The following XXYLT1 variants were observed in gnomAD, a reference collection of about 807,000 sequenced individuals.
XXYLT1 encodes UDP-xylose:alpha-xyloside alpha-1,3-xylosyltransferase.
In XXYLT1, 20 loss-of-function variants were observed where a neutral mutation model predicts 28.9. The ratio of observed to expected loss-of-function variants is 0.69; its 90% CI spans 0.49 to 1.00. The LOEUF is 1.00. XXYLT1 is among the 50% of genes least tolerant of loss of function. The pLI is 0.00. For synonymous variants in XXYLT1, 257 were observed against 253.8 expected (o/e 1.01, Z -0.12); for missense variants, 542 against 560.1 (o/e 0.97, Z 0.33).
intron 3 of XXYLT1, among the ~76,000 whole-genome samples, chr3:195,099,446 A>G (rs1716642371): frequency 6.6e-6 from 1 of 152,188 alleles, no homozygotes; most frequent in Admixed American, 6.5e-5. Context: ...AAGTCAGCTG[A>G]AAGTAAAATC....
Position 195,173,867 on chromosome 3 carries a change from G to A in XXYLT1, c.653-17286C>T, listed in dbSNP as rs562350345. On this transcript the variant is annotated intron_variant, in intron 2 of 3. Coordinates refer to ENST00000310380, the MANE Select transcript of XXYLT1 (RefSeq NM_152531.5). The surrounding 1 kb of genome is among the most constrained non-coding windows in gnomAD (Gnocchi z 4.3). ...TGACCTCATTTCCCTGACAGGAATT[G>A]TGGAGATGTCATTGCTGGGGTCTTC... 6.6e-6 allele frequency among the ~76,000 whole-genome samples: 1 copy of A among 152,344 alleles called. No individual in the cohort carries two copies. Among genetic ancestry groups the A allele is most frequent in the East Asian group, 1.9e-4 (1 of 5,184 alleles).
intron 1 of XXYLT1, among the ~76,000 whole-genome samples, chr3:195,232,121 T>C (rs1439411644): frequency 6.6e-6 from 1 of 152,168 alleles, no homozygotes; most frequent in East Asian, 1.9e-4. Context: ...GTAGGTTGTA[T>C]GTGTCTAGAA....
rs1577214198 is a variant in XXYLT1, at chr3:195,268,571, C to T, written c.504+1984G>A. ...TGAGATCGTGCCACTGCACTCCAGC[C>T]TAGGCAACAAGAGCGAAACTCCATC... On this transcript the variant is annotated intron_variant, in intron 1 of 3. Coordinates refer to ENST00000310380, the MANE Select transcript of XXYLT1 (RefSeq NM_152531.5). 2.6e-5 allele frequency among the ~76,000 whole-genome samples: 4 copies of T among 150,972 alleles called. 1 individual carries two copies. In the South Asian group the frequency reaches 6.3e-4, roughly 24 times the overall value.
rs79871555 is a variant in XXYLT1 at position 195,150,148 on chromosome 3, A to G, written c.785+6301T>C. 1.3e-5 allele frequency among the ~76,000 whole-genome samples: 2 copies of G among 148,374 alleles called. No homozygotes were observed. Among genetic ancestry groups the G allele is most frequent in the Non-Finnish European group, 1.5e-5 (1 of 67,450 alleles). On this transcript the variant is annotated intron_variant, in intron 3 of 3. Transcript: ENST00000310380. The surrounding 1 kb of genome is among the most constrained non-coding windows in gnomAD (Gnocchi z 4.7). ...AGCTGGGACTGTGGATAACGCTGCC[A>G]CCACCACCCAGGAGTGCTGCTCGTG... is the stretch of plus-strand genomic sequence containing the variant.
intron 1 of XXYLT1, among the ~76,000 whole-genome samples, chr3:195,243,590 G>C (rs1724876407): frequency 6.6e-6 from 1 of 152,188 alleles, no homozygotes; most frequent in Non-Finnish European, 1.5e-5. Flanking sequence ...GACGGGTAGA[G>C]CCACAGGTCT....
chr3:195,255,722 C>T lies in XXYLT1; in HGVS notation c.504+14833G>A, dbSNP rs1200160066. On this transcript the variant is annotated intron_variant, in intron 1 of 3. Coordinates refer to ENST00000310380, the MANE Select transcript of XXYLT1 (RefSeq NM_152531.5). This position sits in a 1 kb window ranked among gnomAD's most constrained non-coding sequence, Gnocchi z 4.5. ...AGGGCACAGGAGAGCTGCTCCCAGTCTCCCTTGTCCACTGAGCAGCTGTGT... is the reference window on the plus strand; with the variant it reads ...AGGGCACAGGAGAGCTGCTCCCAGTTTCCCTTGTCCACTGAGCAGCTGTGT... Among the ~76,000 whole-genome samples, 1 of 152,104 alleles carries T rather than the reference C, an allele frequency of 6.6e-6. No homozygotes were observed. The highest frequency in any genetic ancestry group is 2.4e-5 in the African/African-American group (1 of 41,428).
rs373384322 is a variant in XXYLT1, at chr3:195,116,805, T to C, written c.785+39644A>G. On this transcript the variant is annotated intron_variant, in intron 3 of 3. Transcript: ENST00000310380. The stretch of plus-strand genomic sequence containing the variant: ...GCTTGCCTGCCTGACCCAGAAAGCC[T>C]TGTTCTCCTTTCTGGAACCTCGGGA... Among the ~76,000 whole-genome samples, 6 of 152,318 alleles carry C rather than the reference T, an allele frequency of 3.9e-5. No individual in the cohort carries two copies. The East Asian group carries it at 1.2e-3, about 29-fold the overall frequency.
chr3:195,190,876 C>CA (rs923986956), intron 2 of XXYLT1, among the ~76,000 whole-genome samples: 53 of 151,426 alleles, frequency 3.5e-4, no homozygotes, highest in Admixed American at 2.2e-3. Context: ...TAGGGAATCA[C>CA]AAAAAATGAC....
At chr3:195,134,838 T>C (rs1322454672) in intron 3 of XXYLT1, among the ~76,000 whole-genome samples, 1 of 123,918 alleles carries the variant, frequency 8.1e-6, no homozygotes, top group African/African-American at 3.3e-5. Context: ...TGTGTGTGTG[T>C]GTGTGTGTGT....
chr3:195,265,448 G>A (rs926013318), intron 1 of XXYLT1, among the ~76,000 whole-genome samples: 10 of 152,052 alleles, frequency 6.6e-5, no homozygotes, highest in Admixed American at 3.3e-4. Context: ...CAAGAGATTC[G>A]GGGAAGGTCT....
At chr3:195,103,943 G>T (rs1461884059) in intron 3 of XXYLT1, among the ~76,000 whole-genome samples, 1 of 152,258 alleles carries the variant, frequency 6.6e-6, no homozygotes, top group Admixed American at 6.5e-5. Context: ...CCAACGAGGG[G>T]AGAAAGGTTT....
chr3:195,227,141 T>A (rs1484370212), intron 1 of XXYLT1, among the ~76,000 whole-genome samples: 3 of 152,096 alleles, frequency 2.0e-5, no homozygotes, highest in East Asian at 3.9e-4. Context: ...GGACAGGAAA[T>A]GGAAACAGCC....
In XXYLT1 at chr3:195,226,700, C is replaced by T; in HGVS notation, c.652+9G>A. The T allele has an allele frequency of 6.2e-7, 1 of 1,610,074 alleles. No individual in the cohort carries two copies. On this transcript the variant is annotated intron_variant, in intron 2 of 3. Coordinates refer to ENST00000310380, the MANE Select transcript of XXYLT1 (RefSeq NM_152531.5). ...CCCAGGGGCTATTGCTCCTGGAAGCCCAGGTTACCTTTGGGCATGATCTGA... is the reference window on the plus strand; with the variant it reads ...CCCAGGGGCTATTGCTCCTGGAAGCTCAGGTTACCTTTGGGCATGATCTGA...
At chr3:195,095,073 G>A (rs1716350440) in intron 3 of XXYLT1, among the ~76,000 whole-genome samples, 1 of 152,224 alleles carries the variant, frequency 6.6e-6, no homozygotes, top group Non-Finnish European at 1.5e-5. Context: ...CAACGCTACT[G>A]GTCTGCAGGC....
chr3:195,206,630 G>A (rs1419951043), intron 2 of XXYLT1, among the ~76,000 whole-genome samples: 4 of 151,728 alleles, frequency 2.6e-5, no homozygotes, highest in Admixed American at 6.6e-5. Flanking sequence ...TTAGCCGGGC[G>A]TGGTGGCACG....
intron 2 of XXYLT1, among the ~76,000 whole-genome samples, chr3:195,165,187 C>T (rs1468401413): frequency 1.3e-5 from 2 of 152,198 alleles, no homozygotes; most frequent in Non-Finnish European, 1.5e-5. Context: ...CCTGGAGTTA[C>T]ACTGTCTCAG....
chr3:195,194,703 C>T (rs1722554175), intron 2 of XXYLT1, among the ~76,000 whole-genome samples: 1 of 152,104 alleles, frequency 6.6e-6, no homozygotes, highest in South Asian at 2.1e-4. Context: ...GACAGCCACA[C>T]AATGGAACAC....
chr3:195,114,018 G>C (rs1373711314), intron 3 of XXYLT1, among the ~76,000 whole-genome samples: 1 of 152,216 alleles, frequency 6.6e-6, no homozygotes, highest in African/African-American at 2.4e-5. Context: ...GGAGCCATGA[G>C]TGCCCAATTT....
intron 2 of XXYLT1, among the ~76,000 whole-genome samples, chr3:195,166,408 T>C (rs1721122934): frequency 6.6e-6 from 1 of 152,164 alleles, no homozygotes; most frequent in South Asian, 2.1e-4. Context: ...AGGTTTTGAC[T>C]CATAAATATT....
Sources: allele counts gnomAD v4.1 joint callset (sites outside exome capture counted in the v4.1 genomes callset), GRCh38; gene constraint gnomAD v4.1.1; non-coding constraint Gnocchi (gnomAD v3.1); transcripts MANE v1.5; gene names NCBI Gene and HGNC (gene_info 2026-07-23, HGNC 2026-07-21).